DSCAML1: variants seen among roughly 807,000 people sequenced by gnomAD.
DSCAML1 encodes the protein DS cell adhesion molecule like 1, also known as cell adhesion molecule DSCAML1.
A neutral mutation model predicts 200.5 loss-of-function variants in DSCAML1; 38 were observed. The ratio of observed to expected loss-of-function variants is 0.19; its 90% CI spans 0.15 to 0.25. The LOEUF is 0.25. DSCAML1 is among the 10% of genes least tolerant of loss of function. The pLI is 1.00. For missense variants in DSCAML1, 2,223 were observed against 2,858.8 expected (o/e 0.78, Z 5.07); for synonymous variants, 1,215 against 1,165.0 (o/e 1.04, Z -0.87).
At position 117,498,921 on chromosome 11, in the gene DSCAML1, C is replaced by T. The variant is rs1265906342; in HGVS notation, c.2359+4924G>A. Among the ~76,000 whole-genome samples, 2 of 152,190 alleles carry T rather than the reference C, an allele frequency of 1.3e-5. No homozygotes were observed. The highest frequency in any genetic ancestry group is 2.9e-5 in the Non-Finnish European group (2 of 68,042). ...ATTGGCCATGGGCTTTGTCTAGAAC[C>T]CAATCACTGGTGCCTTCGCAGAGTG... is the stretch of plus-strand genomic sequence containing the variant. On this transcript the variant is annotated intron_variant, in intron 11 of 32. Coordinates refer to ENST00000651296, the MANE Select transcript of DSCAML1 (RefSeq NM_020693.4). The surrounding 1 kb of genome is among the most constrained non-coding windows in gnomAD (Gnocchi z 4.0).
At position 117,489,652 on chromosome 11, in the gene DSCAML1, A is replaced by G. The variant is rs2049147803; in HGVS notation, c.2360-7490T>C. Among the ~76,000 whole-genome samples, 1 of 152,144 alleles carries G rather than the reference A, an allele frequency of 6.6e-6. No homozygotes were observed. On this transcript the variant is annotated intron_variant, in intron 11 of 32. Coordinates refer to ENST00000651296, the MANE Select transcript of DSCAML1 (RefSeq NM_020693.4). The surrounding 1 kb of genome is among the most constrained non-coding windows in gnomAD (Gnocchi z 4.8). ...GGCCCATTTCATTCAAGCCTCAGTT[A>G]CAGTCCCCAGCACCTGCTACAGTGC...
At chr11:117,536,529 G>T (rs1365253432) in intron 3 of DSCAML1, among the ~76,000 whole-genome samples, 2 of 152,228 alleles carry the variant, frequency 1.3e-5, no homozygotes, top group Non-Finnish European at 2.9e-5. Flanking sequence ...TGGGGGAGGT[G>T]GGACATTTGG....
intron 1 of DSCAML1, among the ~76,000 whole-genome samples, chr11:117,811,330 C>G (rs1591527506): frequency 1.3e-5 from 2 of 152,130 alleles, no homozygotes; most frequent in African/African-American, 4.8e-5. Flanking sequence ...CCAATCTGCT[C>G]CCGACATTAA....
chr11:117,672,102 G>GAAAAAAAAAAAAAAAA lies in DSCAML1; in HGVS notation c.511+104673_511+104688dup, dbSNP rs71037491. 5.3e-3 allele frequency among the ~76,000 whole-genome samples: 498 copies of GAAAAAAAAAAAAAAAA among 94,432 alleles called. 10 individuals carry two copies. The highest frequency in any genetic ancestry group is 0.019 in the African/African-American group (387 of 20,536). The allele number at this position is 94,432 out of a possible 152,430, so 62.0% of individuals were successfully genotyped here. ...GGCGACAGAGCGAGACTCCAGCTCA[G>GAAAAAAAAAAAAAAAA]AAAAAAAAAAAAAAAAAAAAAGAAG... On this transcript the variant is annotated intron_variant, in intron 3 of 32. Coordinates refer to ENST00000651296, the MANE Select transcript of DSCAML1 (RefSeq NM_020693.4).
At chr11:117,722,581 T>A (rs2054058748) in intron 3 of DSCAML1, among the ~76,000 whole-genome samples, 1 of 152,218 alleles carries the variant, frequency 6.6e-6, no homozygotes, top group East Asian at 1.9e-4. Context: ...ATGGATATGC[T>A]AATTACCCTG....
At chr11:117,655,685 T>C (rs2052718882) in intron 3 of DSCAML1, among the ~76,000 whole-genome samples, 1 of 152,148 alleles carries the variant, frequency 6.6e-6, no homozygotes, top group Non-Finnish European at 1.5e-5. Context: ...CTAGTGTCCG[T>C]GGAAGTTGGG....
At chr11:117,725,478 A>T (rs1371489930) in intron 3 of DSCAML1, among the ~76,000 whole-genome samples, 3 of 152,170 alleles carry the variant, frequency 2.0e-5, no homozygotes, top group African/African-American at 7.2e-5. Context: ...CAGCTCTGCA[A>T]TCCCCCTCTC....
chr11:117,596,057 G>A (rs2051357333), intron 3 of DSCAML1, among the ~76,000 whole-genome samples: 2 of 152,198 alleles, frequency 1.3e-5, no homozygotes, highest in South Asian at 4.1e-4. Context: ...AGATATACAT[G>A]CAAGCCCATC....
chr11:117,441,525 C>CG (rs111248450), intron 21 of DSCAML1, among the ~76,000 whole-genome samples: 32,174 of 151,884 alleles, frequency 0.21, 4,809 homozygotes, highest in East Asian at 0.59. Flanking sequence ...ACAGAAGGTG[C>CG]GGGGCCACAG....
upstream of DSCAML1, among the ~76,000 whole-genome samples, chr11:117,799,353 G>C (rs555485205): frequency 6.6e-6 from 1 of 152,188 alleles, no homozygotes; most frequent in African/African-American, 2.4e-5. Flanking sequence ...CTGGGGTAGC[G>C]GCACAGCTGC....
intron 27 of DSCAML1, among the ~76,000 whole-genome samples, chr11:117,434,564 A>G (rs1156394654): frequency 3.3e-5 from 5 of 151,996 alleles, no homozygotes; most frequent in Admixed American, 3.3e-4. Flanking sequence ...TCAACTATTC[A>G]TATAATCATT....
chr11:117,549,654 C>T (rs77342459), intron 3 of DSCAML1, among the ~76,000 whole-genome samples: 1 of 152,220 alleles, frequency 6.6e-6, no homozygotes, highest in Non-Finnish European at 1.5e-5. Flanking sequence ...TTATGACTTA[C>T]AGCTTCCCAT....
intron 1 of DSCAML1, among the ~76,000 whole-genome samples, chr11:117,786,059 T>C (rs715315): frequency 0.47 from 71,806 of 151,888 alleles, 17,148 homozygotes; most frequent in Non-Finnish European, 0.51. Context: ...CTGACAGAGA[T>C]TCCTCCCTTC....
intron 3 of DSCAML1, among the ~76,000 whole-genome samples, chr11:117,743,867 C>A (rs1257969818): frequency 1.3e-5 from 2 of 152,214 alleles, no homozygotes; most frequent in Non-Finnish European, 2.9e-5. Context: ...GAAGGTGGTG[C>A]TCTCCACCCC....
At chr11:117,552,432 C>A (rs551078812) in intron 3 of DSCAML1, among the ~76,000 whole-genome samples, 5 of 152,098 alleles carry the variant, frequency 3.3e-5, no homozygotes, top group Admixed American at 6.5e-5. Flanking sequence ...AATCCACCCC[C>A]CTCTCCCCTG....
At chr11:117,552,096 T>C (rs2050478001) in intron 3 of DSCAML1, among the ~76,000 whole-genome samples, 1 of 151,682 alleles carries the variant, frequency 6.6e-6, no homozygotes, top group Admixed American at 6.6e-5. Context: ...GGAGCTGCGG[T>C]AACAGAGCCT....
intron 3 of DSCAML1, among the ~76,000 whole-genome samples, chr11:117,668,115 T>G (rs954163912): frequency 2.0e-5 from 3 of 152,230 alleles, no homozygotes; most frequent in Non-Finnish European, 4.4e-5. Context: ...TCATTTTTCA[T>G]TGATTCACTC....
chr11:117,445,880 A>G (rs1310638733), intron 20 of DSCAML1, among the ~76,000 whole-genome samples: 1 of 152,180 alleles, frequency 6.6e-6, no homozygotes, highest in Admixed American at 6.5e-5. Flanking sequence ...TCATGTTCAA[A>G]AGCACACAGA....
chr11:117,585,987 C>T (rs1470209698), intron 3 of DSCAML1, among the ~76,000 whole-genome samples: 3 of 152,202 alleles, frequency 2.0e-5, no homozygotes, highest in Non-Finnish European at 4.4e-5. Context: ...CAGCACCATG[C>T]CTGTTGCAGG....
Sources: allele counts gnomAD v4.1 joint callset (sites outside exome capture counted in the v4.1 genomes callset), GRCh38; gene constraint gnomAD v4.1.1; non-coding constraint Gnocchi (gnomAD v3.1); transcripts MANE v1.5; gene names NCBI Gene and HGNC (gene_info 2026-07-23, HGNC 2026-07-21).